Variants in TTPA observed in about 807,000 individuals in gnomAD.
TTPA encodes alpha-tocopherol transfer protein.
In TTPA, 23 loss-of-function variants were observed where a neutral mutation model predicts 25.9. That is an observed-to-expected ratio of 0.89 (90% CI 0.64 to 1.26). TTPA has a LOEUF of 1.26. Ranked by LOEUF, TTPA falls within the 50% of genes most tolerant of loss-of-function variation. The probability of loss-of-function intolerance (pLI) is 0.00; values close to 1 mark genes in which losing one functional copy is unlikely to be tolerated. For synonymous variants in TTPA, 148 were observed against 137.3 expected, an observed-to-expected ratio of 1.08 and a Z score of -0.54; for missense variants, 337 against 353.1, an observed-to-expected ratio of 0.95 and a Z score of 0.37.
chr8:63,059,020 G>GTT (rs35335226), downstream of TTPA, among the ~76,000 whole-genome samples: 3,223 of 67,208 alleles, frequency 0.048, 832 homozygotes, highest in East Asian at 0.13. Context: ...GCAGGGTCCA[G>GTT]TTTTTTTTTT....
rs141163645 is a variant in TTPA, at chr8:63,064,234, G to T, written c.635C>A (p.Pro212Gln). 2.2e-4 allele frequency: 353 copies of T among 1,612,724 alleles called. No homozygotes were observed. The highest frequency in any genetic ancestry group is 2.8e-4 in the Non-Finnish European group (329 of 1,179,330). ...TTCCTTAATTTTTTCAGTCAGGAAT[G>T]GTTTGATCATGGAAAAGACAGCATG... is the stretch of plus-strand genomic sequence containing the variant. The part of the protein sequence containing the change: ...IFHAVFSMIK[P>Q]FLTEKIKERI... Residue 212 changes from proline (P) to glutamine (Q), a missense_variant, in exon 4 of 5, where the codon CCA becomes CAA. By Grantham distance (76) the Pro-to-Gln change is moderately conservative. Transcript: ENST00000260116.
At chr8:63,074,158 A>G (rs146238222) in intron 1 of TTPA, among the ~76,000 whole-genome samples, 263 of 152,360 alleles carry the variant, frequency 1.7e-3, no homozygotes, top group African/African-American at 5.8e-3. Flanking sequence ...GGAATAAACA[A>G]GGTAACTATA....
At chr8:63,072,491 G>A (rs2129761398) in intron 2 of TTPA, among the ~76,000 whole-genome samples, 1 of 152,280 alleles carries the variant, frequency 6.6e-6, no homozygotes, top group Admixed American at 6.5e-5. Context: ...TCGAACTCCT[G>A]ACCTCAGCTG....
At chr8:63,071,003 G>T (rs1805474842) in intron 2 of TTPA, among the ~76,000 whole-genome samples, 2 of 152,000 alleles carry the variant, frequency 1.3e-5, no homozygotes, top group South Asian at 4.2e-4. Flanking sequence ...AAATAACTGG[G>T]CATCCTTTAT....
intron 2 of TTPA, among the ~76,000 whole-genome samples, chr8:63,070,284 G>A (rs887689559): frequency 3.3e-5 from 5 of 152,120 alleles, no homozygotes; most frequent in African/African-American, 4.8e-5. Flanking sequence ...GGCTGATAAA[G>A]GTCAAAACTT....
chr8:63,077,969 G>A (rs1463193726), intron 1 of TTPA, among the ~76,000 whole-genome samples: 1 of 152,166 alleles, frequency 6.6e-6, no homozygotes, highest in Admixed American at 6.5e-5. Context: ...CCAGAGGAAG[G>A]ATCAGGCAGC....
intron 4 of TTPA, among the ~76,000 whole-genome samples, chr8:63,062,744 A>G (rs1392998792): frequency 6.6e-6 from 1 of 152,144 alleles, no homozygotes; most frequent in Non-Finnish European, 1.5e-5. Flanking sequence ...TTTTTTCTCC[A>G]TATTCTCCTA....
intron 1 of TTPA, among the ~76,000 whole-genome samples, chr8:63,085,328 G>A (rs750072903): frequency 1.3e-5 from 2 of 152,186 alleles, no homozygotes; most frequent in Non-Finnish European, 2.9e-5. Flanking sequence ...AGTGTTACTA[G>A]TAATAATACT....
Position 63,085,847 on chromosome 8 carries a change from G to C in TTPA, c.175C>G (p.Arg59Gly). 1 of 1,536,696 alleles carries C rather than the reference G, an allele frequency of 6.5e-7. No homozygotes were observed. Among genetic ancestry groups the C allele is most frequent in the South Asian group, 1.2e-5 (1 of 83,694 alleles). Reference protein sequence around the residue: ...DSFLLRFLRARDFDLDLAWRL... With the variant: ...DSFLLRFLRAGDFDLDLAWRL... Reference sequence around the variant, plus strand: ...CAGGCCAGGTCCAGATCGAAATCCCGGGCGCGCAGGAACCGCAGCAGGAAG... The same window carrying C: ...CAGGCCAGGTCCAGATCGAAATCCCCGGCGCGCAGGAACCGCAGCAGGAAG... The change falls in exon 1 of 5, where the codon CGG (arginine) becomes GGG (glycine). Residue 59 changes from arginine to glycine, a missense_variant. Arg to Gly is a moderately radical substitution (Grantham distance 125). Coordinates refer to ENST00000260116, the MANE Select transcript of TTPA (RefSeq NM_000370.3).
intron 3 of TTPA, among the ~76,000 whole-genome samples, chr8:63,064,618 C>G (rs918386467): frequency 6.6e-6 from 1 of 151,874 alleles, no homozygotes; most frequent in Non-Finnish European, 1.5e-5. Context: ...TTTAACGAAC[C>G]AATGAGTCAT....
At chr8:63,082,073 AAT>A (rs1293448085) in intron 1 of TTPA, among the ~76,000 whole-genome samples, 4 of 152,226 alleles carry the variant, frequency 2.6e-5, no homozygotes, top group Non-Finnish European at 5.9e-5. Flanking sequence ...TGCCCAAGGT[AAT>A]TTATAGATTC....
chr8:63,080,591 G>T (rs964564198), intron 1 of TTPA, among the ~76,000 whole-genome samples: 2 of 151,702 alleles, frequency 1.3e-5, no homozygotes. Context: ...GCGTGGTGGC[G>T]GGCGTCTGTA....
intron 1 of TTPA, among the ~76,000 whole-genome samples, chr8:63,083,610 A>G (rs548809845): frequency 1.3e-5 from 2 of 150,816 alleles, no homozygotes; most frequent in Admixed American, 6.6e-5. Context: ...CATTGTGCAC[A>G]TGTACCCTAA....
At chr8:63,078,038 A>G (rs1329502309) in intron 1 of TTPA, among the ~76,000 whole-genome samples, 1 of 152,242 alleles carries the variant, frequency 6.6e-6, no homozygotes, top group East Asian at 1.9e-4. Context: ...ACACCCAGGC[A>G]AACAGGGTCT....
intron 1 of TTPA, among the ~76,000 whole-genome samples, chr8:63,079,478 A>G (rs1053722601): frequency 1.2e-4 from 19 of 152,174 alleles, no homozygotes; most frequent in Admixed American, 4.6e-4. Flanking sequence ...GAATGGAGGA[A>G]TATCTACCAA....
chr8:63,064,674 GA>G (rs1180283576), intron 3 of TTPA, among the ~76,000 whole-genome samples: 3 of 151,818 alleles, frequency 2.0e-5, no homozygotes, highest in South Asian at 2.1e-4. Context: ...TTTATTTTGA[GA>G]AAAAAAATCA....
At chr8:63,070,965 T>TA (rs1171910489) in intron 2 of TTPA, among the ~76,000 whole-genome samples, 4 of 144,938 alleles carry the variant, frequency 2.8e-5, no homozygotes, top group African/African-American at 7.9e-5. Flanking sequence ...ATACATACTT[T>TA]AAAAAAACTG....
chr8:63,075,991 G>A (rs1402811978), intron 1 of TTPA, among the ~76,000 whole-genome samples: 2 of 152,144 alleles, frequency 1.3e-5, no homozygotes, highest in African/African-American at 4.8e-5. Context: ...TGTAGAACAG[G>A]CAGAGAAGTG....
intron 1 of TTPA, among the ~76,000 whole-genome samples, chr8:63,080,719 CAAAAAAAAAAAAAAAAT>C (rs1805648806): frequency 1.4e-5 from 1 of 69,930 alleles, no homozygotes; most frequent in African/African-American, 4.5e-5. Context: ...GACTCCGTAT[CAAAAAAAAAAAAAAAAT>C]AAATAATAAT....
Sources: allele counts gnomAD v4.1 joint callset (sites outside exome capture counted in the v4.1 genomes callset), GRCh38; gene constraint gnomAD v4.1.1; transcripts MANE v1.5; gene names NCBI Gene and HGNC (gene_info 2026-07-23, HGNC 2026-07-21).